SLC25A27: variants seen among roughly 807,000 people sequenced by gnomAD.
SLC25A27 encodes the protein solute carrier family 25 member 27, also known as mitochondrial uncoupling protein 4.
A neutral mutation model predicts 49.1 loss-of-function variants in SLC25A27; 35 were observed. The ratio of observed to expected loss-of-function variants is 0.71; its 90% CI spans 0.54 to 0.95. SLC25A27 has a LOEUF of 0.95. SLC25A27 is among the 40% of genes least tolerant of loss of function. The probability of loss-of-function intolerance (pLI) is 0.00; values close to 1 mark genes in which losing one functional copy is unlikely to be tolerated. For missense variants in SLC25A27, 339 were observed against 397.1 expected, an observed-to-expected ratio of 0.85 and a Z score of 1.24; for synonymous variants, 144 against 136.9, an observed-to-expected ratio of 1.05 and a Z score of -0.36.
chr6:46,669,618 C>T (rs561498213), intron 6 of SLC25A27, among the ~76,000 whole-genome samples: 2 of 152,110 alleles, frequency 1.3e-5, no homozygotes, highest in Middle Eastern at 3.4e-3. Context: ...GTGAATTTAA[C>T]CACTCCAAGA....
intron 3 of SLC25A27, among the ~76,000 whole-genome samples, chr6:46,660,795 G>T (rs1013102024): frequency 2.0e-5 from 3 of 152,144 alleles, no homozygotes; most frequent in Non-Finnish European, 4.4e-5. Flanking sequence ...TTGAAAAATT[G>T]TAATGTACTA....
intron 7 of SLC25A27, 104 bp from the exon 8 acceptor site, chr6:46,671,022 G>A (rs543605319): frequency 3.3e-5 from 26 of 786,724 alleles, no homozygotes; most frequent in Admixed American, 8.7e-5. Context: ...AAGCCACCGC[G>A]CCCGGCCAAT....
chr6:46,653,171 T>C lies in SLC25A27; in HGVS notation c.-22T>C. Reference sequence around the variant, plus strand: ...AGCGCAGCGGCGAGAAGGAGTGCGTTATCGTCTTGCGCTACTGCTGAATGT... The same window carrying C: ...AGCGCAGCGGCGAGAAGGAGTGCGTCATCGTCTTGCGCTACTGCTGAATGT... On this transcript the variant is annotated 5_prime_UTR_variant, in exon 1 of 9. Coordinates refer to ENST00000371347, the MANE Select transcript of SLC25A27 (RefSeq NM_004277.5). 2.5e-6 allele frequency: 4 copies of C among 1,605,314 alleles called. No individual in the cohort carries two copies. Among genetic ancestry groups the C allele is most frequent in the Non-Finnish European group, 3.4e-6 (4 of 1,173,890 alleles).
intron 2 of SLC25A27, chr6:46,658,648 G>A (rs1358324323): frequency 1.0e-5 from 4 of 398,798 alleles, no homozygotes; most frequent in Non-Finnish European, 9.4e-6. Context: ...TGATAAAAAG[G>A]TCAGAGAGCA....
intron 1 of SLC25A27, among the ~76,000 whole-genome samples, chr6:46,654,682 A>G (rs577983700): frequency 2.0e-5 from 3 of 152,334 alleles, no homozygotes; most frequent in East Asian, 3.9e-4. Flanking sequence ...TTTGAAAGAC[A>G]TAATCTGTGT....
intron 4 of SLC25A27, among the ~76,000 whole-genome samples, chr6:46,663,936 A>G (rs1763244545): frequency 1.3e-5 from 2 of 152,242 alleles, no homozygotes; most frequent in Non-Finnish European, 2.9e-5. Flanking sequence ...TGTATATTAA[A>G]TGCTTGGTAC....
intron 7 of SLC25A27, 170 bp downstream of exon 7, chr6:46,670,397 G>T: frequency 1.8e-6 from 1 of 560,446 alleles, no homozygotes; most frequent in Non-Finnish European, 3.1e-6. Context: ...AAAGTGACAT[G>T]CATTTGGGGA....
In SLC25A27 at chr6:46,654,201, A is replaced by G. The variant is rs1178679819; in HGVS notation, c.106+903A>G. On this transcript the variant is annotated intron_variant, in intron 1 of 8. Coordinates refer to ENST00000371347, the MANE Select transcript of SLC25A27 (RefSeq NM_004277.5). ...CTGTGTATTTTAAGATTACCCTTACATTTTCTTGCCTGTTACAAAAAAATA... is the reference window on the plus strand; with the variant it reads ...CTGTGTATTTTAAGATTACCCTTACGTTTTCTTGCCTGTTACAAAAAAATA... 7 of 845,632 alleles carry G rather than the reference A, an allele frequency of 8.3e-6. No homozygotes were observed. In the East Asian group the frequency reaches 6.1e-4, roughly 74 times the overall value. 52.4% of individuals were successfully genotyped at this position (845,632 alleles called of 1,614,324 possible). A position where few individuals can be genotyped will look rare whatever the true frequency, so the allele number is the denominator to read the frequency against.
chr6:46,657,886 G>T (rs900740335), intron 2 of SLC25A27, among the ~76,000 whole-genome samples: 6 of 152,144 alleles, frequency 3.9e-5, no homozygotes, highest in African/African-American at 1.4e-4. Flanking sequence ...TAGCTATGTG[G>T]GCCTTAGTCA....
intron 5 of SLC25A27, 78 bp from the exon 6 acceptor site, chr6:46,668,631 G>C: frequency 1.2e-6 from 1 of 830,520 alleles, no homozygotes; most frequent in African/African-American, 1.7e-5. Flanking sequence ...ACACATTCCT[G>C]CCCCAAGCCT....
chr6:46,677,529 C>T lies in SLC25A27; in HGVS notation c.*1075C>T, dbSNP rs1373008045. The T allele has an allele frequency of 6.6e-6, 1 of 152,124 alleles. No homozygotes were observed. Among genetic ancestry groups the T allele is most frequent in the Non-Finnish European group, 1.5e-5 (1 of 68,020 alleles). 9.4% of individuals were successfully genotyped at this position (152,124 alleles called of 1,614,324 possible). Reference sequence around the variant, plus strand: ...TACTCAGTTTAGCAAAAATTCTTGCCTAAAAAGTGATAAGTAAAAATCTGT... The same window carrying T: ...TACTCAGTTTAGCAAAAATTCTTGCTTAAAAAGTGATAAGTAAAAATCTGT... On this transcript the variant is annotated 3_prime_UTR_variant, in exon 9 of 9. Coordinates refer to ENST00000371347, the MANE Select transcript of SLC25A27 (RefSeq NM_004277.5).
chr6:46,654,119 C>T, intron 1 of SLC25A27: 11 of 985,244 alleles, frequency 1.1e-5, no homozygotes, highest in Non-Finnish European at 1.3e-5. Context: ...GAGCAAGTAG[C>T]GTTTATTCCA....
rs1763834385 is a variant in SLC25A27, at chr6:46,677,384, T to TA, written c.*931dup. ...GTATTTTAAAAGCAAGGCAGATAGA[T>TA]ATGAAGTCAGCCAACTCTGACATGC... On this transcript the variant is annotated 3_prime_UTR_variant, in exon 9 of 9. Coordinates refer to ENST00000371347, the MANE Select transcript of SLC25A27 (RefSeq NM_004277.5). 6.6e-6 allele frequency: 1 copy of TA among 152,228 alleles called. No homozygotes were observed. The highest frequency in any genetic ancestry group is 2.4e-5 in the African/African-American group (1 of 41,462). The allele number at this position is 152,228 out of a possible 1,614,324, so 9.4% of individuals were successfully genotyped here.
chr6:46,664,754 T>C lies in SLC25A27; in HGVS notation c.507-20T>C. 1 of 1,425,308 alleles carries C rather than the reference T, an allele frequency of 7.0e-7. No individual in the cohort carries two copies. The highest frequency in any genetic ancestry group is 9.7e-7 in the Non-Finnish European group (1 of 1,025,988). The allele number at this position is 1,425,308 out of a possible 1,614,324, so 88.3% of individuals were successfully genotyped here. A position where few individuals can be genotyped will look rare whatever the true frequency, so the allele number is the denominator to read the frequency against. ...ACAGGAATACATGGAGTTTTCACAT[T>C]TAATTATTATTCTCCTTAGATTTCG... is the stretch of plus-strand genomic sequence containing the variant. On this transcript the variant is annotated intron_variant, in intron 4 of 8. Coordinates refer to ENST00000371347, the MANE Select transcript of SLC25A27 (RefSeq NM_004277.5).
intron 3 of SLC25A27, among the ~76,000 whole-genome samples, chr6:46,661,239 T>C (rs943141421): frequency 2.0e-5 from 3 of 152,082 alleles, no homozygotes; most frequent in African/African-American, 7.2e-5. Context: ...AGAAAAAATA[T>C]GATAATGTAT....
chr6:46,674,260 C>G (rs989553176), intron 8 of SLC25A27, among the ~76,000 whole-genome samples: 1 of 152,034 alleles, frequency 6.6e-6, no homozygotes, highest in African/African-American at 2.4e-5. Context: ...TGTATAAGAA[C>G]CTAGCAAAAC....
At chr6:46,671,343 A>G (rs1763531281) in intron 8 of SLC25A27, 115 bp downstream of exon 8, 1 of 523,750 alleles carries the variant, frequency 1.9e-6, no homozygotes, top group African/African-American at 2.0e-5. Context: ...CCCCAAATCA[A>G]GGTCCTTTCT....
chr6:46,670,262 A>G (rs1051696499), intron 7 of SLC25A27, 35 bp downstream of exon 7: 2 of 1,247,916 alleles, frequency 1.6e-6, no homozygotes, highest in African/African-American at 3.0e-5. Flanking sequence ...ATGTGCTTGA[A>G]TATCTGTAAT....
Position 46,676,406 on chromosome 6 carries a change from G to A in SLC25A27, c.924G>A (p.Trp308Ter), listed in dbSNP as rs1377462927. The A allele has an allele frequency of 6.2e-7, 1 of 1,613,748 alleles. No homozygotes were observed. The highest frequency in any genetic ancestry group is 1.3e-5 in the African/African-American group (1 of 74,916). The change falls in exon 9 of 9, where the codon TGG becomes TGA. Residue 308 changes from tryptophan to a stop codon, truncating the protein, a stop_gained. Transcript: ENST00000371347. LOFTEE classifies it high-confidence loss of function. ...AGACCCCTTGGTCAATGGTGTTCTG[G>A]CTTACTTATGAAAAAATCAGAGAGA... ...LRMTPWSMVF[W>*]LTYEKIREMS...
Sources: gnomAD v4.1 joint callset for allele counts (sites outside exome capture counted in the v4.1 genomes callset) on GRCh38, gnomAD v4.1.1 for gene constraint, MANE v1.5 for transcripts, NCBI Gene and HGNC (gene_info 2026-07-23, HGNC 2026-07-21) for gene names.